The following CNTNAP2 variants were observed in gnomAD, a reference collection of about 807,000 sequenced individuals.
The protein encoded by CNTNAP2 is contactin-associated protein-like 2.
Under a neutral mutation model 155.2 loss-of-function variants are expected in CNTNAP2, and 98 were observed. That is an observed-to-expected ratio of 0.63 (90% CI 0.54 to 0.75). The LOEUF (loss-of-function observed/expected upper bound fraction) is 0.75. CNTNAP2 is among the 30% of genes least tolerant of loss of function. CNTNAP2 has a pLI of 0.00. For synonymous variants in CNTNAP2, 651 were observed against 631.2 expected (o/e 1.03, Z -0.47); for missense variants, 1,727 against 1,688.1 (o/e 1.02, Z -0.40).
chr7:146,663,107 A>G (rs1239634086), intron 1 of CNTNAP2, among the ~76,000 whole-genome samples: 3 of 151,944 alleles, frequency 2.0e-5, no homozygotes, highest in Non-Finnish European at 4.4e-5. Context: ...GTGAAATCCC[A>G]TCTTTAATAA....
In CNTNAP2 at chr7:148,315,548, C is replaced by T. The variant is rs933338454; in HGVS notation, c.3475+48422C>T. Among the ~76,000 whole-genome samples, 12 of 152,214 alleles carry T rather than the reference C, an allele frequency of 7.9e-5. No homozygotes were observed. In the East Asian group the frequency reaches 2.1e-3, roughly 27 times the overall value. On this transcript the variant is annotated intron_variant, in intron 21 of 23. Coordinates refer to ENST00000361727, the MANE Select transcript of CNTNAP2 (RefSeq NM_014141.6). ...GAATGTCATGAGTTAAGGCAGGAAC[C>T]GGCCATCTGGATGTGTACATGCAGG...
chr7:146,248,655 A>G (rs1379836600), intron 1 of CNTNAP2, among the ~76,000 whole-genome samples: 1 of 152,176 alleles, frequency 6.6e-6, no homozygotes, highest in Non-Finnish European at 1.5e-5. Context: ...GAGAGTAAAA[A>G]GGGGCTGCTT....
Position 147,639,224 on chromosome 7 carries a change from AAGTGCCATCACTGAC to A in CNTNAP2, c.2023_2037del (p.Ile675_Ala679del). The A allele has an allele frequency of 6.2e-7, 1 of 1,614,120 alleles. No individual in the cohort carries two copies. The highest frequency in any genetic ancestry group is 8.5e-7 in the Non-Finnish European group (1 of 1,179,992). Reference sequence around the variant, plus strand: ...TTTACAGCGCCTCCATGGACCAGATAAGTGCCATCACTGACAGTGCCGAGTACTGCGAGCAGTATG... The same window carrying A: ...TTTACAGCGCCTCCATGGACCAGATAAGTGCCGAGTACTGCGAGCAGTATG... On this transcript the variant is annotated inframe_deletion, in exon 13 of 24. Transcript: ENST00000361727.
intron 3 of CNTNAP2, among the ~76,000 whole-genome samples, chr7:147,002,388 G>A (rs1798441379): frequency 1.3e-5 from 2 of 152,020 alleles, no homozygotes; most frequent in South Asian, 2.1e-4. Flanking sequence ...CTTTCCAACA[G>A]CGATACTGGA....
chr7:147,024,957 C>T (rs772377701), intron 3 of CNTNAP2, among the ~76,000 whole-genome samples: 1 of 151,898 alleles, frequency 6.6e-6, no homozygotes, highest in African/African-American at 2.4e-5. Context: ...CTCACTATCG[C>T]GACCAAGGAG....
intron 13 of CNTNAP2, among the ~76,000 whole-genome samples, chr7:147,740,901 G>A (rs542717304): frequency 2.1e-4 from 32 of 152,286 alleles, no homozygotes; most frequent in East Asian, 1.2e-3. Flanking sequence ...AGCTCAGGGC[G>A]TAGATCTCAG....
At chr7:146,223,255 A>G (rs757251119) in intron 1 of CNTNAP2, among the ~76,000 whole-genome samples, 15 of 152,170 alleles carry the variant, frequency 9.9e-5, no homozygotes, top group Admixed American at 2.0e-4. Context: ...TCATGCCAAG[A>G]TGTTTGGACA....
intron 21 of CNTNAP2, among the ~76,000 whole-genome samples, chr7:148,372,288 G>C (rs943174249): frequency 3.9e-5 from 6 of 152,172 alleles, no homozygotes; most frequent in African/African-American, 1.4e-4. Flanking sequence ...ACTGGAAGTT[G>C]CTCTGGATGA....
intron 8 of CNTNAP2, among the ~76,000 whole-genome samples, chr7:147,193,323 G>A (rs1802718659): frequency 6.6e-6 from 1 of 152,304 alleles, no homozygotes; most frequent in South Asian, 2.1e-4. Flanking sequence ...ACCAAGGTCT[G>A]TCTAAGCCTG....
At chr7:147,726,033 T>G (rs1181647959) in intron 13 of CNTNAP2, among the ~76,000 whole-genome samples, 1 of 152,006 alleles carries the variant, frequency 6.6e-6, no homozygotes, top group Admixed American at 6.6e-5. Context: ...CTGCATGATT[T>G]CTCGTATAAA....
chr7:146,332,178 C>A (rs1329756852), intron 1 of CNTNAP2, among the ~76,000 whole-genome samples: 1 of 151,520 alleles, frequency 6.6e-6, no homozygotes, highest in African/African-American at 2.4e-5. Context: ...ATTTAAATTT[C>A]TAAAAATGTA....
chr7:147,607,129 A>G (rs554512997), intron 12 of CNTNAP2, among the ~76,000 whole-genome samples: 1 of 152,276 alleles, frequency 6.6e-6, no homozygotes, highest in South Asian at 2.1e-4. Flanking sequence ...GCTCCTCACA[A>G]TGGGGGCTGC....
chr7:146,529,586 G>A (rs1438356114), intron 1 of CNTNAP2, among the ~76,000 whole-genome samples: 2 of 152,092 alleles, frequency 1.3e-5, no homozygotes, highest in Non-Finnish European at 2.9e-5. Context: ...TGTATTTATG[G>A]ATTAGCTTTT....
At chr7:146,937,307 C>T (rs887562813) in intron 3 of CNTNAP2, among the ~76,000 whole-genome samples, 5 of 150,752 alleles carry the variant, frequency 3.3e-5, no homozygotes, top group African/African-American at 7.3e-5. Flanking sequence ...GCTGTGATCA[C>T]GCCACTGCAC....
intron 1 of CNTNAP2, among the ~76,000 whole-genome samples, chr7:146,352,748 C>CTTTTTTTTTTTTTTTT (rs1201897985): frequency 1.5e-3 from 98 of 66,136 alleles, no homozygotes; most frequent in Non-Finnish European, 1.8e-3. Context: ...TAGCATAATT[C>CTTTTTTTTTTTTTTTT]TGTTTTTTTT....
chr7:147,407,349 T>A (rs974338261), intron 10 of CNTNAP2, among the ~76,000 whole-genome samples: 1 of 151,150 alleles, frequency 6.6e-6, no homozygotes, highest in Non-Finnish European at 1.5e-5. Context: ...GCGCCTGTAG[T>A]CCCAGCTACT....
chr7:146,824,790 A>G (rs1481438738), intron 2 of CNTNAP2, among the ~76,000 whole-genome samples: 3 of 152,064 alleles, frequency 2.0e-5, no homozygotes, highest in Admixed American at 6.6e-5. Flanking sequence ...TGGTGGTCAT[A>G]AAGATGTGGG....
chr7:146,511,566 A>G (rs1357408234), intron 1 of CNTNAP2, among the ~76,000 whole-genome samples: 1 of 152,216 alleles, frequency 6.6e-6, no homozygotes, highest in Non-Finnish European at 1.5e-5. Flanking sequence ...TTCTGTTAAT[A>G]TGATGTATCA....
At chr7:146,665,462 G>GT (rs113966022) in intron 1 of CNTNAP2, among the ~76,000 whole-genome samples, 122,626 of 151,624 alleles carry the variant, frequency 0.81, 50,198 homozygotes, top group South Asian at 0.91. Context: ...TTTTTGTTTT[G>GT]TTTGTTTTTC....
Sources: gnomAD v4.1 joint callset for allele counts (sites outside exome capture counted in the v4.1 genomes callset) on GRCh38, gnomAD v4.1.1 for gene constraint, MANE v1.5 for transcripts, NCBI Gene and HGNC (gene_info 2026-07-23, HGNC 2026-07-21) for gene names.